Variants in PTPN21 observed in about 807,000 individuals in gnomAD.
PTPN21 encodes protein tyrosine phosphatase non-receptor type 21, also known as tyrosine-protein phosphatase non-receptor type 21.
PTPN21 carries 77 observed loss-of-function variants against 131.8 expected under a neutral mutation model. The observed-to-expected ratio is 0.58, with a 90% confidence interval of 0.49 to 0.71. The LOEUF is 0.71. Ranked by LOEUF, PTPN21 falls within the 30% of genes least tolerant of loss-of-function variation. PTPN21 has a pLI of 0.00. For synonymous variants in PTPN21, 715 were observed against 621.3 expected (o/e 1.15, Z -2.24); for missense variants, 1,552 against 1,527.1 (o/e 1.02, Z -0.27).
At chr14:88,475,841 G>A (rs568302839) in intron 13 of PTPN21, among the ~76,000 whole-genome samples, 66 of 152,292 alleles carry the variant, frequency 4.3e-4, no homozygotes, top group African/African-American at 1.4e-3. Context: ...ACTGGGACAC[G>A]CTGGATAAAG....
Position 88,467,384 on chromosome 14 carries a change from TTC to T in PTPN21, c.*751_*752del, listed in dbSNP as rs2077381062. 2.0e-5 allele frequency: 3 copies of T among 152,360 alleles called. No individual in the cohort carries two copies. The South Asian group carries it at 6.2e-4, about 32-fold the overall frequency. 9.4% of individuals were successfully genotyped at this position (152,360 alleles called of 1,614,324 possible). A position where few individuals can be genotyped will look rare whatever the true frequency, so the allele number is the denominator to read the frequency against. On this transcript the variant is annotated 3_prime_UTR_variant, in exon 19 of 19. Transcript: ENST00000556564. ...AATAATACTGAAAAAATAATGCTTA[TTC>T]TCTTACATTTTAAATAATGTGCCTT...
At chr14:88,531,590 C>T (rs2078556164) in intron 2 of PTPN21, among the ~76,000 whole-genome samples, 1 of 152,038 alleles carries the variant, frequency 6.6e-6, no homozygotes, top group Non-Finnish European at 1.5e-5. Context: ...CTCTGTGATA[C>T]AGCAAAAGCA....
chr14:88,500,949 T>C, intron 7 of PTPN21, 78 bp from the exon 8 acceptor site: 1 of 1,029,164 alleles, frequency 9.7e-7, no homozygotes. Context: ...CTGGACTGGT[T>C]TCCCAGATGT....
intron 9 of PTPN21, 130 bp downstream of exon 9, chr14:88,497,073 A>G: frequency 1.2e-6 from 1 of 832,772 alleles, no homozygotes. Context: ...ATAAAACTGC[A>G]TGTTTTATAC....
At chr14:88,518,990 T>TACAC (rs11467393) in intron 2 of PTPN21, among the ~76,000 whole-genome samples, 2 of 150,306 alleles carry the variant, frequency 1.3e-5, no homozygotes, top group African/African-American at 2.4e-5. Flanking sequence ...CACACACACA[T>TACAC]ACACACACAC....
chr14:88,497,487 A>G lies in PTPN21; in HGVS notation c.765-197T>C, dbSNP rs146205424. ...TGTCTCTATTAAAAATACAAAAACT[A>G]GCCCAGGCGCAGTGGCTCACGCCTG... On this transcript the variant is annotated intron_variant, in intron 8 of 18. Transcript: ENST00000556564. Among the ~76,000 whole-genome samples, 1,027 of 152,244 alleles carry G rather than the reference A, an allele frequency of 6.7e-3. 8 individuals carry two copies. Among genetic ancestry groups the G allele is most frequent in the African/African-American group, 0.023 (950 of 41,546 alleles).
At chr14:88,510,658 C>T (rs1279111542) in intron 3 of PTPN21, among the ~76,000 whole-genome samples, 2 of 152,198 alleles carry the variant, frequency 1.3e-5, no homozygotes, top group Admixed American at 1.3e-4. Context: ...CCAGTATATA[C>T]TAGCAGTGTG....
intron 2 of PTPN21, among the ~76,000 whole-genome samples, chr14:88,525,181 C>T (rs940476802): frequency 6.6e-6 from 1 of 151,926 alleles, no homozygotes; most frequent in Non-Finnish European, 1.5e-5. Flanking sequence ...ATCAAGGCTG[C>T]AGTGAGCCAT....
intron 2 of PTPN21, among the ~76,000 whole-genome samples, chr14:88,526,277 C>T (rs548438759): frequency 2.2e-4 from 34 of 152,128 alleles, no homozygotes; most frequent in African/African-American, 7.5e-4. Context: ...TGGCCAGGCA[C>T]GGTGGCTCAC....
At chr14:88,476,389 TG>T (rs1261849954) in intron 13 of PTPN21, among the ~76,000 whole-genome samples, 1 of 152,210 alleles carries the variant, frequency 6.6e-6, no homozygotes, top group Non-Finnish European at 1.5e-5. Flanking sequence ...AACAACTCTC[TG>T]GGGTCCTCTC....
intron 12 of PTPN21, among the ~76,000 whole-genome samples, chr14:88,484,109 T>C (rs60940400): frequency 0.058 from 8,728 of 150,304 alleles, 318 homozygotes; most frequent in African/African-American, 0.1. Context: ...TAGCACAAAA[T>C]CTTGGCTCAC....
At chr14:88,531,027 A>C (rs569949987) in intron 2 of PTPN21, among the ~76,000 whole-genome samples, 2 of 152,340 alleles carry the variant, frequency 1.3e-5, no homozygotes, top group East Asian at 3.9e-4. Context: ...AAGATAGACC[A>C]TATGATAGGC....
At chr14:88,554,479 T>C (rs2078899820) in intron 1 of PTPN21, among the ~76,000 whole-genome samples, 172 bp downstream of exon 1, 1 of 152,186 alleles carries the variant, frequency 6.6e-6, no homozygotes, top group African/African-American at 2.4e-5. Context: ...AGAGCGAACC[T>C]GAAAAACAAG....
At chr14:88,507,399 T>TAC (rs1349037069) in intron 4 of PTPN21, among the ~76,000 whole-genome samples, 1 of 152,178 alleles carries the variant, frequency 6.6e-6, no homozygotes, top group Non-Finnish European at 1.5e-5. Context: ...TGGTGCAGCC[T>TAC]ACTCCACACC....
chr14:88,522,047 T>C (rs556272548), intron 2 of PTPN21, among the ~76,000 whole-genome samples: 1 of 152,198 alleles, frequency 6.6e-6, no homozygotes, highest in Non-Finnish European at 1.5e-5. Flanking sequence ...TTTGTTGAAA[T>C]TGCATCATAA....
At chr14:88,533,977 T>C (rs2078590740) in intron 2 of PTPN21, among the ~76,000 whole-genome samples, 3 of 152,178 alleles carry the variant, frequency 2.0e-5, no homozygotes, top group Admixed American at 6.5e-5. Context: ...CCCTGAAAAC[T>C]GTCCAGGAGG....
intron 2 of PTPN21, among the ~76,000 whole-genome samples, chr14:88,533,183 T>G (rs2078577598): frequency 6.6e-6 from 1 of 152,244 alleles, no homozygotes; most frequent in African/African-American, 2.4e-5. Context: ...AAGCATATTT[T>G]CCAAAGCCAA....
intron 2 of PTPN21, among the ~76,000 whole-genome samples, chr14:88,535,083 C>T (rs1288828594): frequency 6.6e-6 from 1 of 152,084 alleles, no homozygotes; most frequent in Non-Finnish European, 1.5e-5. Context: ...CACATTTTTA[C>T]TGCACCTTTT....
At chr14:88,548,778 T>C (rs943914211) in intron 2 of PTPN21, among the ~76,000 whole-genome samples, 1 of 152,138 alleles carries the variant, frequency 6.6e-6, no homozygotes. Context: ...TAGGTTTAAT[T>C]AGAGACCTTT....
Sources: allele counts gnomAD v4.1 joint callset (sites outside exome capture counted in the v4.1 genomes callset), GRCh38; gene constraint gnomAD v4.1.1; transcripts MANE v1.5; gene names NCBI Gene and HGNC (gene_info 2026-07-23, HGNC 2026-07-21).